ARHGEF10L: variants seen among roughly 807,000 people sequenced by gnomAD.
ARHGEF10L encodes the protein Rho guanine nucleotide exchange factor 10 like, also known as rho guanine nucleotide exchange factor 10-like protein.
Under a neutral mutation model 141.2 loss-of-function variants are expected in ARHGEF10L, and 69 were observed. The ratio of observed to expected loss-of-function variants is 0.49; its 90% CI spans 0.40 to 0.60. ARHGEF10L has a LOEUF of 0.60. Among genes scored for constraint, ARHGEF10L ranks in the 20% least tolerant of loss-of-function variants. ARHGEF10L has a pLI of 0.00. For synonymous variants in ARHGEF10L, 711 were observed against 718.5 expected, an observed-to-expected ratio of 0.99 and a Z score of 0.17; for missense variants, 1,482 against 1,734.3, an observed-to-expected ratio of 0.85 and a Z score of 2.58.
chr1:17,556,132 AGGGGGGCCTGGGAGCATAT>A (rs1350950459), intron 1 of ARHGEF10L, among the ~76,000 whole-genome samples: 3 of 33,036 alleles, frequency 9.1e-5, no homozygotes, highest in East Asian at 2.2e-3. Flanking sequence ...CTGGAAACAC[AGGGGGGCCTGGGAGCATAT>A]GGGGGGCCTG....
intron 26 of ARHGEF10L, among the ~76,000 whole-genome samples, chr1:17,667,174 C>T (rs1039900363): frequency 1.1e-4 from 17 of 152,220 alleles, no homozygotes; most frequent in Admixed American, 7.2e-4. Context: ...GTGTGCTGGG[C>T]GCCCATTCAG....
chr1:17,536,553 C>T (rs1002679009), upstream of ARHGEF10L, among the ~76,000 whole-genome samples: 3 of 152,040 alleles, frequency 2.0e-5, no homozygotes, highest in African/African-American at 7.2e-5. Flanking sequence ...GGCAAGAATA[C>T]GTGAAGATGT....
chr1:17,628,581 C>T (rs1344498753), intron 15 of ARHGEF10L, among the ~76,000 whole-genome samples: 1 of 152,060 alleles, frequency 6.6e-6, no homozygotes, highest in Non-Finnish European at 1.5e-5. Context: ...TGCCCAGGCC[C>T]TGGGCACATT....
chr1:17,646,332 CT>C (rs2061598552), intron 21 of ARHGEF10L, among the ~76,000 whole-genome samples: 1 of 152,238 alleles, frequency 6.6e-6, no homozygotes, highest in African/African-American at 2.4e-5. Context: ...CCGGCAGGAT[CT>C]CTTTGATGAA....
chr1:17,636,901 G>A (rs776082943), intron 18 of ARHGEF10L, among the ~76,000 whole-genome samples: 3 of 152,042 alleles, frequency 2.0e-5, no homozygotes, highest in South Asian at 2.1e-4. Context: ...GGGGCCTAGC[G>A]TTCAAGGCCT....
rs141330322 is a variant in ARHGEF10L, at chr1:17,611,372, G to A, written c.610-1686G>A. On this transcript the variant is annotated intron_variant, in intron 7 of 28. Transcript: ENST00000361221. The stretch of plus-strand genomic sequence containing the variant: ...CAATATTGAACATTTGCCTAGAATG[G>A]TACACTTTACAAAGCAGTGTCATTT... Among the ~76,000 whole-genome samples, 767 of 152,280 alleles carry A rather than the reference G, an allele frequency of 5.0e-3. 7 individuals carry two copies. Among genetic ancestry groups the A allele is most frequent in the Admixed American group, 9.2e-3 (140 of 15,290 alleles).
Position 17,623,014 on chromosome 1 carries a change from A to T in ARHGEF10L, c.1039A>T (p.Met347Leu), listed in dbSNP as rs201343941. The change falls in exon 12 of 29, where the codon ATG (methionine) becomes TTG (leucine). Residue 347 changes from methionine (M) to leucine (L), a missense_variant. By Grantham distance (15) the Met-to-Leu change is conservative. Transcript: ENST00000361221. This position sits in a 1 kb window ranked among gnomAD's most constrained non-coding sequence, Gnocchi z 4.7. ...CCGGCAGGACTACCGCAACCCCCTG[A>T]TGGAGATGGAGCCCAAGGCGCTGAG... is the stretch of plus-strand genomic sequence containing the variant. ...RILQDYRNPL[M>L]EMEPKALSAR... 317 of 1,613,340 alleles carry T rather than the reference A, an allele frequency of 2.0e-4. 1 individual carries two copies. The highest frequency in any genetic ancestry group is 2.6e-4 in the Non-Finnish European group (305 of 1,179,838).
intron 23 of ARHGEF10L, among the ~76,000 whole-genome samples, chr1:17,655,282 C>A (rs1205439078): frequency 1.3e-5 from 2 of 152,028 alleles, no homozygotes; most frequent in African/African-American, 4.8e-5. Context: ...ACCCACCTAT[C>A]CATCTATCCA....
chr1:17,675,299 C>T (rs955029621), intron 26 of ARHGEF10L, among the ~76,000 whole-genome samples: 4 of 152,246 alleles, frequency 2.6e-5, no homozygotes, highest in African/African-American at 9.6e-5. Context: ...TGAGCCATCC[C>T]ACCCTGTGGC....
the ARHGEF10L span, among the ~76,000 whole-genome samples, chr1:17,531,651 C>G: frequency 6.6e-6 from 1 of 152,138 alleles, no homozygotes; most frequent in East Asian, 1.9e-4. Flanking sequence ...GGTGTGATTC[C>G]ATGCGGCCTC....
chr1:17,637,604 T>C (rs550844836), intron 18 of ARHGEF10L, among the ~76,000 whole-genome samples: 1 of 152,272 alleles, frequency 6.6e-6, no homozygotes, highest in Admixed American at 6.5e-5. Context: ...GTTCACGTCA[T>C]TCTCCTGCCT....
rs148961032 is a variant in ARHGEF10L at position 17,580,519 on chromosome 1, C to T, written c.-43-34C>T. 1.1e-4 allele frequency: 179 copies of T among 1,590,584 alleles called. 2 individuals are homozygous for T. In the African/African-American group the frequency reaches 2.2e-3, roughly 19 times the overall value. On this transcript the variant is annotated intron_variant, in intron 1 of 28. Transcript: ENST00000361221. ...AGTAGCTGAAACTGCAGCCCTGACTCCAGCTAATGCGATTTCTGGTCTTCT... is the reference window on the plus strand; with the variant it reads ...AGTAGCTGAAACTGCAGCCCTGACTTCAGCTAATGCGATTTCTGGTCTTCT...
rs529604666 is a variant in ARHGEF10L at position 17,583,752 on chromosome 1, G to A, written c.37+3120G>A. On this transcript the variant is annotated intron_variant, in intron 2 of 28. Transcript: ENST00000361221. ...GATTCACTTAGGCAAGGACCAGTGG[G>A]CACTGAGAGGCTAAGAAAACCCTGT... Among the ~76,000 whole-genome samples, 4 of 152,274 alleles carry A rather than the reference G, an allele frequency of 2.6e-5. No homozygotes were observed. In the South Asian group the frequency reaches 8.3e-4, roughly 32 times the overall value.
chr1:17,587,393 C>G, intron 2 of ARHGEF10L, 67 bp from the exon 3 acceptor site: 1 of 1,521,536 alleles, frequency 6.6e-7, no homozygotes, highest in Non-Finnish European at 8.9e-7. Flanking sequence ...CCCACCTACC[C>G]CAGCCATCTC....
At chr1:17,645,385 A>G (rs573806926) in intron 21 of ARHGEF10L, among the ~76,000 whole-genome samples, 1 of 152,172 alleles carries the variant, frequency 6.6e-6, no homozygotes, top group African/African-American at 2.4e-5. Context: ...CATTAAAAAA[A>G]ATACGTATGA....
intron 1 of ARHGEF10L, among the ~76,000 whole-genome samples, chr1:17,574,389 G>A (rs770094806): frequency 1.3e-5 from 2 of 152,190 alleles, no homozygotes; most frequent in African/African-American, 4.8e-5. Flanking sequence ...GGTGGAATAC[G>A]TTTGTCTTGG....
In ARHGEF10L at chr1:17,621,779, C is replaced by G; in HGVS notation, c.943-85C>G. The stretch of plus-strand genomic sequence containing the variant: ...CCTGGGAGGGATGGGTTTCTCTGTC[C>G]TATAGTTGTCAGCTCCCCTTCCTGT... On this transcript the variant is annotated intron_variant, in intron 10 of 28. Transcript: ENST00000361221. This position sits in a 1 kb window ranked among gnomAD's most constrained non-coding sequence, Gnocchi z 4.1. The G allele has an allele frequency of 7.9e-7, 1 of 1,262,978 alleles. No homozygotes were observed. Among genetic ancestry groups the G allele is most frequent in the Non-Finnish European group, 1.2e-6 (1 of 863,650 alleles). The allele number at this position is 1,262,978 out of a possible 1,614,324, so 78.2% of individuals were successfully genotyped here. A position where few individuals can be genotyped will look rare whatever the true frequency, so the allele number is the denominator to read the frequency against.
chr1:17,565,767 G>A (rs2077728380), intron 1 of ARHGEF10L, among the ~76,000 whole-genome samples: 1 of 152,124 alleles, frequency 6.6e-6, no homozygotes, highest in Non-Finnish European at 1.5e-5. Flanking sequence ...TTACTAACTC[G>A]GGTACCAGGA....
intron 7 of ARHGEF10L, among the ~76,000 whole-genome samples, chr1:17,612,325 C>T (rs977306041): frequency 2.0e-5 from 3 of 152,098 alleles, no homozygotes; most frequent in Admixed American, 6.5e-5. Context: ...ATTCTCCTAC[C>T]GTCCATCCAT....
Sources: gnomAD v4.1 joint callset for allele counts (sites outside exome capture counted in the v4.1 genomes callset) on GRCh38, gnomAD v4.1.1 for gene constraint, Gnocchi (gnomAD v3.1) non-coding constraint, MANE v1.5 for transcripts, NCBI Gene and HGNC (gene_info 2026-07-23, HGNC 2026-07-21) for gene names.